Variants in GATA4 observed in about 807,000 individuals in gnomAD.
GATA4 encodes the protein transcription factor GATA-4.
GATA4 carries 7 observed loss-of-function variants against 37.9 expected under a neutral mutation model. The observed-to-expected ratio is 0.18, with a 90% CI of 0.11 to 0.35. The LOEUF is 0.35. Among genes scored for constraint, GATA4 ranks in the 10% least tolerant of loss-of-function variants. GATA4 has a pLI of 1.00. For missense variants in GATA4, 647 were observed against 653.0 expected (o/e 0.99, Z 0.10); for synonymous variants, 372 against 292.6 (o/e 1.27, Z -2.77).
chr8:11,758,711 T>C lies in GATA4; in HGVS notation c.*236T>C. 1 of 576,048 alleles carries C rather than the reference T, an allele frequency of 1.7e-6. No homozygotes were observed. The allele number at this position is 576,048 out of a possible 1,614,324, so 35.7% of individuals were successfully genotyped here. On this transcript the variant is annotated 3_prime_UTR_variant, in exon 7 of 7. Coordinates refer to ENST00000532059, the MANE Select transcript of GATA4 (RefSeq NM_001308093.3). ...AGCCCACCCTTCAGCACGAGCACAC[T>C]GCATCTCTCCTGTGAGTTGGAGACT...
chr8:11,757,091 C>G lies in GATA4; in HGVS notation c.1149+8C>G, dbSNP rs1490422997. On this transcript the variant is annotated splice_region_variant and intron_variant, in intron 6 of 6. Coordinates refer to ENST00000532059, the MANE Select transcript of GATA4 (RefSeq NM_001308093.3). ...AGCAGCTCCGTGTCCCAGGTACGCGCCATGGCTGGGGCGCCAGGGCTGTTT... is the reference window on the plus strand; with the variant it reads ...AGCAGCTCCGTGTCCCAGGTACGCGGCATGGCTGGGGCGCCAGGGCTGTTT... 6.2e-7 allele frequency: 1 copy of G among 1,613,366 alleles called. No individual in the cohort carries two copies. The highest frequency in any genetic ancestry group is 8.5e-7 in the Non-Finnish European group (1 of 1,179,416).
At chr8:11,722,204 A>G (rs1261079538) in intron 2 of GATA4, among the ~76,000 whole-genome samples, 12 of 152,164 alleles carry the variant, frequency 7.9e-5, no homozygotes, top group African/African-American at 2.9e-4. Flanking sequence ...AGAGTAGAAT[A>G]TTCATCCCTC....
chr8:11,716,431 G>C (rs1371115071), intron 2 of GATA4, among the ~76,000 whole-genome samples: 1 of 151,972 alleles, frequency 6.6e-6, no homozygotes, highest in East Asian at 1.9e-4. Flanking sequence ...AATTTTGGGG[G>C]TTTTCCTTTA....
At position 11,751,039 on chromosome 8, in the gene GATA4, A is replaced by C. The variant is rs538935981; in HGVS notation, c.912+803A>C. On this transcript the variant is annotated intron_variant, in intron 4 of 6. Coordinates refer to ENST00000532059, the MANE Select transcript of GATA4 (RefSeq NM_001308093.3). ...AAATGTAAGGGAAAGTATTTATATA[A>C]CTTTGGGGATGGGAGAACTTCTTAA... Among the ~76,000 whole-genome samples the C allele has an allele frequency of 2.2e-4, 34 of 152,300 alleles. No homozygotes were observed. The South Asian group carries it at 6.8e-3, about 31-fold the overall frequency.
chr8:11,758,430 C>T lies in GATA4; in HGVS notation c.1287C>T (p.Asn429=). ...CCAGCTCCAAGCAGGACTCTTGGAACAGCCTGGTCTTGGCCGACAGTCACG... is the reference window on the plus strand; with the variant it reads ...CCAGCTCCAAGCAGGACTCTTGGAATAGCCTGGTCTTGGCCGACAGTCACG... ...PQTSSKQDSW[N]SLVLADSHGD... is the part of the protein sequence containing the mutation. The change falls in exon 7 of 7, where the codon AAC becomes AAT. Residue 429 remains asparagine (N), a synonymous_variant. Transcript: ENST00000532059. 6.2e-7 allele frequency: 1 copy of T among 1,614,254 alleles called. No homozygotes were observed. The highest frequency in any genetic ancestry group is 8.5e-7 in the Non-Finnish European group (1 of 1,180,032).
upstream of GATA4, among the ~76,000 whole-genome samples, chr8:11,703,728 G>T (rs1008690347): frequency 2.0e-5 from 3 of 152,208 alleles, no homozygotes; most frequent in African/African-American, 7.2e-5. Context: ...AGGAATCCGG[G>T]GCTGGGAGGA....
At chr8:11,681,324 C>G (rs1325116414) in intron 1 of GATA4, 2 of 985,426 alleles carry the variant, frequency 2.0e-6, no homozygotes, top group Middle Eastern at 1.0e-3. Context: ...CACTTCTCGA[C>G]CTGCGCCCCA....
intron 2 of GATA4, among the ~76,000 whole-genome samples, chr8:11,748,392 A>C (rs138466390): frequency 6.6e-6 from 1 of 152,202 alleles, no homozygotes; most frequent in Admixed American, 6.5e-5. Flanking sequence ...CCTGTCTCTA[A>C]TAAAAAGAAT....
intron 5 of GATA4, among the ~76,000 whole-genome samples, chr8:11,755,564 T>C (rs1240329121): frequency 6.6e-6 from 1 of 152,222 alleles, no homozygotes; most frequent in Non-Finnish European, 1.5e-5. Context: ...TCTAAGCCAA[T>C]GTATAATTAA....
upstream of GATA4, among the ~76,000 whole-genome samples, chr8:11,689,018 C>T (rs561066658): frequency 3.9e-5 from 6 of 152,330 alleles, no homozygotes; most frequent in East Asian, 7.7e-4. Context: ...CCCAGTCTTC[C>T]AGTGGTGGAC....
At chr8:11,723,523 C>T (rs11784821) in intron 2 of GATA4, among the ~76,000 whole-genome samples, 8,105 of 152,244 alleles carry the variant, frequency 0.053, 311 homozygotes, top group South Asian at 0.12. Context: ...GTCCTAATCT[C>T]TTTTTATGAG....
upstream of GATA4, chr8:11,692,495 G>C (rs545351846): frequency 3.0e-5 from 30 of 985,098 alleles, no homozygotes; most frequent in Non-Finnish European, 9.6e-6. Flanking sequence ...CTCCTCCCGT[G>C]CACAGCGTGA....
intron 2 of GATA4, among the ~76,000 whole-genome samples, chr8:11,712,689 C>CT (rs200909105): frequency 0.034 from 3,284 of 96,984 alleles, 53 homozygotes; most frequent in Middle Eastern, 0.096. Flanking sequence ...GACCACATCT[C>CT]TAAAAAAAAA....
chr8:11,709,011 C>T lies in GATA4; in HGVS notation c.616+83C>T. 7.2e-7 allele frequency: 1 copy of T among 1,386,364 alleles called. No individual in the cohort carries two copies. Among genetic ancestry groups the T allele is most frequent in the Non-Finnish European group, 9.6e-7 (1 of 1,045,522 alleles). 85.9% of individuals were successfully genotyped at this position (1,386,364 alleles called of 1,614,324 possible). ...CCCTGTCGAGGGCCTCTTGTTTTTC[C>T]ACCAACGCCTTCGTTGGGCTGGGGA... On this transcript the variant is annotated intron_variant, in intron 2 of 6. Coordinates refer to ENST00000532059, the MANE Select transcript of GATA4 (RefSeq NM_001308093.3). The surrounding 1 kb of genome is among the most constrained non-coding windows in gnomAD (Gnocchi z 4.3).
intron 5 of GATA4, among the ~76,000 whole-genome samples, chr8:11,756,166 C>T (rs1015613413): frequency 3.3e-5 from 5 of 152,134 alleles, no homozygotes; most frequent in African/African-American, 1.2e-4. Flanking sequence ...ATTGGCTGAT[C>T]TGACGAAAAA....
chr8:11,698,015 G>A, intron 1 of GATA4: 2 of 985,418 alleles, frequency 2.0e-6, no homozygotes, highest in South Asian at 4.7e-5. Flanking sequence ...TGGGCAAGAG[G>A]AGCCCTGGAC....
intron 2 of GATA4, among the ~76,000 whole-genome samples, chr8:11,724,656 G>C (rs1563210381): frequency 6.6e-6 from 1 of 152,190 alleles, no homozygotes; most frequent in Non-Finnish European, 1.5e-5. Context: ...CATCACCTTC[G>C]TGAGCTGGTG....
At chr8:11,702,440 G>T (rs1045933040), upstream of GATA4, among the ~76,000 whole-genome samples, 2 of 151,882 alleles carry the variant, frequency 1.3e-5, no homozygotes, top group Non-Finnish European at 2.9e-5. This position sits in a 1 kb window ranked among gnomAD's most constrained non-coding sequence, Gnocchi z 4.4. Flanking sequence ...GGTCCCTGCC[G>T]CAGGCCTTGG....
At chr8:11,736,828 A>C (rs573278735) in intron 2 of GATA4, among the ~76,000 whole-genome samples, 1 of 152,210 alleles carries the variant, frequency 6.6e-6, no homozygotes, top group African/African-American at 2.4e-5. Flanking sequence ...ACTAGGAAGC[A>C]CCTAAGTCAT....
Sources: allele counts gnomAD v4.1 joint callset (sites outside exome capture counted in the v4.1 genomes callset), GRCh38; gene constraint gnomAD v4.1.1; non-coding constraint Gnocchi (gnomAD v3.1); transcripts MANE v1.5; gene names NCBI Gene and HGNC (gene_info 2026-07-23, HGNC 2026-07-21).